Variants in UNC79 observed in about 807,000 individuals in gnomAD.
UNC79 encodes the protein unc-79 subunit of NALCN channel complex, also known as protein unc-79 homolog.
A neutral mutation model predicts 283.1 loss-of-function variants in UNC79; 37 were observed. The ratio of observed to expected loss-of-function variants is 0.13; its 90% CI spans 0.10 to 0.17. The LOEUF (loss-of-function observed/expected upper bound fraction) is 0.17, where lower values mean the gene tolerates loss of function less well. Among genes scored for constraint, UNC79 ranks in the 10% least tolerant of loss-of-function variants. The pLI is 1.00. For synonymous variants in UNC79, 1,107 were observed against 1,200.2 expected, an observed-to-expected ratio of 0.92 and a Z score of 1.61; for missense variants, 2,272 against 3,211.1, an observed-to-expected ratio of 0.71 and a Z score of 7.07.
In UNC79 at chr14:93,670,128, A is replaced by T. The variant is rs567682713; in HGVS notation, c.6637-3223A>T. ...TCTGAGACTGGAAAAACTCAAACTC[A>T]AGCCATGTTTTTCCTCTGCTCTCAC... On this transcript the variant is annotated intron_variant, in intron 40 of 48. Coordinates refer to ENST00000555664, the Ensembl canonical transcript of UNC79. Among the ~76,000 whole-genome samples the T allele has an allele frequency of 2.6e-5, 4 of 152,264 alleles. No homozygotes were observed. The South Asian group carries it at 6.2e-4, about 24-fold the overall frequency.
chr14:93,612,991 G>A lies in UNC79; in HGVS notation c.3949G>A (p.Gly1317Ser), dbSNP rs749546474. 9 of 1,614,102 alleles carry A rather than the reference G, an allele frequency of 5.6e-6. No homozygotes were observed. In the South Asian group the frequency reaches 6.6e-5, roughly 12 times the overall value. The change falls in exon 27 of 49, where the codon GGC becomes AGC. Residue 1317 changes from glycine to serine, a missense_variant. By Grantham distance (56) the Gly-to-Ser change is moderately conservative. Transcript: ENST00000555664. ...CAAGCGACACCTGTACGTCTTACTC[G>A]GCTATGACCAGCAGGAAGGTTGCTT... is the stretch of plus-strand genomic sequence containing the variant.
upstream of UNC79, among the ~76,000 whole-genome samples, chr14:93,429,583 G>A (rs1454476487): frequency 6.6e-6 from 1 of 152,168 alleles, no homozygotes; most frequent in Non-Finnish European, 1.5e-5. Flanking sequence ...GATTTCACCT[G>A]AATAGTTTGA....
chr14:93,491,837 G>A (rs2058742344), intron 5 of UNC79, among the ~76,000 whole-genome samples: 1 of 152,174 alleles, frequency 6.6e-6, no homozygotes, highest in African/African-American at 2.4e-5. Flanking sequence ...ATTTGTTCAT[G>A]AGGAAATGTT....
At chr14:93,511,638 G>A (rs2059831307) in intron 7 of UNC79, among the ~76,000 whole-genome samples, 1 of 151,892 alleles carries the variant, frequency 6.6e-6, no homozygotes, top group Non-Finnish European at 1.5e-5. Flanking sequence ...ATAGAGACGG[G>A]GTTTCACCAT....
Position 93,516,449 on chromosome 14 carries a change from T to TG in UNC79, c.899-7529_899-7528insG, listed in dbSNP as rs1567036230. On this transcript the variant is annotated intron_variant, in intron 7 of 48. Transcript: ENST00000555664. ...AAAACAATCTGCTTGGATATTTTTT[T>TG]TGGGGGGGGGGGTGGGGGATGGAGT... 5.0e-4 allele frequency among the ~76,000 whole-genome samples: 12 copies of TG among 23,866 alleles called. 1 individual carries two copies. In the East Asian group the frequency reaches 5.3e-3, roughly 10 times the overall value. 15.7% of individuals were successfully genotyped at this position (23,866 alleles called of 152,430 possible). A position where few individuals can be genotyped will look rare whatever the true frequency, so the allele number is the denominator to read the frequency against.
intron 42 of UNC79, among the ~76,000 whole-genome samples, chr14:93,683,672 C>G (rs1199649963): frequency 6.6e-6 from 1 of 151,990 alleles, no homozygotes; most frequent in African/African-American, 2.4e-5. Flanking sequence ...GACGAACATT[C>G]CAACAACAAC....
At chr14:93,429,605 G>T (rs1028863333), upstream of UNC79, among the ~76,000 whole-genome samples, 2 of 152,146 alleles carry the variant, frequency 1.3e-5, no homozygotes, top group African/African-American at 4.8e-5. Flanking sequence ...ATATTACACA[G>T]AATTTAAAAT....
At chr14:93,457,645 T>C (rs187563632) in intron 1 of UNC79, among the ~76,000 whole-genome samples, 1 of 152,298 alleles carries the variant, frequency 6.6e-6, no homozygotes, top group East Asian at 1.9e-4. Flanking sequence ...GGGCTCGATA[T>C]GCTAAGTTAA....
intron 47 of UNC79, among the ~76,000 whole-genome samples, chr14:93,698,870 T>C (rs1004389671): frequency 3.9e-5 from 6 of 152,162 alleles, no homozygotes; most frequent in African/African-American, 1.4e-4. Flanking sequence ...TCAAACTGGG[T>C]GTTTTAAATA....
Position 93,357,676 on chromosome 14 carries a change from CATATATATATATATATATATATATAT to C in UNC79, c.-351+24172_-351+24197del, listed in dbSNP as rs60284787. ...GAGTTAATACTACTTAATAAACTCC[CATATATATATATATATATATATATAT>C]ATATATATATATATATATGGATATA... On this transcript the variant is annotated intron_variant, in intron 1 of 49. Transcript: ENST00000256339. Among the ~76,000 whole-genome samples, 145 of 32,364 alleles carry C rather than the reference CATATATATATATATATATATATATAT, an allele frequency of 4.5e-3. 7 individuals carry two copies. In the Middle Eastern group the frequency reaches 0.17, roughly 39 times the overall value. 21.2% of individuals were successfully genotyped at this position (32,364 alleles called of 152,430 possible).
chr14:93,640,138 A>G (rs1291965643), intron 32 of UNC79, among the ~76,000 whole-genome samples: 1 of 152,226 alleles, frequency 6.6e-6, no homozygotes, highest in East Asian at 1.9e-4. Context: ...GGCTTTCTTA[A>G]TGGAGAACAG....
chr14:93,361,753 G>C, intron 1 of UNC79, among the ~76,000 whole-genome samples: 1 of 152,164 alleles, frequency 6.6e-6, no homozygotes, highest in Non-Finnish European at 1.5e-5. Context: ...GTGGGAGTGG[G>C]CATCCTTGTC....
chr14:93,421,855 A>G (rs1297471335), intron 1 of UNC79, among the ~76,000 whole-genome samples: 1 of 151,730 alleles, frequency 6.6e-6, no homozygotes, highest in African/African-American at 2.4e-5. Flanking sequence ...AGTTCAACAT[A>G]CACACAAATC....
At chr14:93,629,490 G>C in intron 30 of UNC79, among the ~76,000 whole-genome samples, 1 of 152,128 alleles carries the variant, frequency 6.6e-6, no homozygotes, top group East Asian at 1.9e-4. Flanking sequence ...GCTTTATTAA[G>C]AGGGTTTGGG....
chr14:93,659,170 C>T (rs769941655), intron 38 of UNC79, 23 bp from the exon 42 acceptor site: 1 of 1,574,632 alleles, frequency 6.4e-7, no homozygotes, highest in Non-Finnish European at 8.6e-7. Context: ...CTAATTTTTA[C>T]TTTTTTTCAT....
chr14:93,503,525 G>A (rs1245594962), intron 7 of UNC79, among the ~76,000 whole-genome samples: 2 of 152,052 alleles, frequency 1.3e-5, no homozygotes. Flanking sequence ...AATAGTGTAT[G>A]AGAGTTCTTT....
chr14:93,349,980 T>A (rs914801841), intron 1 of UNC79, among the ~76,000 whole-genome samples: 2 of 152,340 alleles, frequency 1.3e-5, no homozygotes, highest in African/African-American at 4.8e-5. Context: ...TGCTTCCAGG[T>A]AAACTTTTTA....
chr14:93,455,476 C>T (rs2056769628), intron 1 of UNC79, among the ~76,000 whole-genome samples: 1 of 151,250 alleles, frequency 6.6e-6, no homozygotes, highest in Non-Finnish European at 1.5e-5. Flanking sequence ...TGTGTGCGTG[C>T]ATCTGCATGC....
chr14:93,675,486 C>G (rs527667990), intron 41 of UNC79, among the ~76,000 whole-genome samples: 1 of 152,036 alleles, frequency 6.6e-6, no homozygotes, highest in South Asian at 2.1e-4. Flanking sequence ...CATAGTGCAA[C>G]GGGTACAGTA....
Sources: allele counts gnomAD v4.1 joint callset (sites outside exome capture counted in the v4.1 genomes callset), GRCh38; gene constraint gnomAD v4.1.1; transcripts MANE v1.5; gene names NCBI Gene and HGNC (gene_info 2026-07-23, HGNC 2026-07-21).